The following SUGCT variants were observed in gnomAD, a reference collection of about 807,000 sequenced individuals.
The protein encoded by SUGCT is succinyl-CoA:glutarate-CoA transferase.
In SUGCT, 41 loss-of-function variants were observed where a neutral mutation model predicts 55.0. The observed-to-expected ratio is 0.74, with a 90% CI of 0.58 to 0.97. SUGCT has a LOEUF of 0.97. Ranked by LOEUF, SUGCT falls within the 50% of genes least tolerant of loss-of-function variation. The pLI is 0.00. For missense variants in SUGCT, 568 were observed against 547.8 expected (o/e 1.04, Z -0.37); for synonymous variants, 187 against 200.4 (o/e 0.93, Z 0.56).
At chr7:40,188,612 G>A (rs1365904405) in intron 4 of SUGCT, 32 bp downstream of exon 4, 6 of 1,462,000 alleles carry the variant, frequency 4.1e-6, no homozygotes, top group Non-Finnish European at 5.6e-6. Context: ...TGCTTTTTGT[G>A]TGTAATTCTC....
intron 1 of SUGCT, among the ~76,000 whole-genome samples, chr7:40,164,760 A>T (rs1784345644): frequency 6.6e-6 from 1 of 152,210 alleles, no homozygotes; most frequent in Admixed American, 6.5e-5. Context: ...ATCCGTCAAT[A>T]CATACTCATG....
the SUGCT span, among the ~76,000 whole-genome samples, chr7:40,995,419 C>G: frequency 2.2e-5 from 2 of 92,244 alleles, no homozygotes; most frequent in Non-Finnish European, 4.5e-5. Flanking sequence ...ATAGTTTACT[C>G]TCTTTCATCA....
chr7:40,443,645 G>A (rs1439471152), intron 9 of SUGCT, among the ~76,000 whole-genome samples: 2 of 152,178 alleles, frequency 1.3e-5, no homozygotes, highest in East Asian at 3.8e-4. Flanking sequence ...TGGGTAGATT[G>A]CAAAAATTTT....
intron 12 of SUGCT, among the ~76,000 whole-genome samples, chr7:40,630,618 T>TA (rs928554693): frequency 2.0e-5 from 3 of 152,232 alleles, no homozygotes; most frequent in South Asian, 2.1e-4. Context: ...TAATAAATGT[T>TA]AAAAAAACAA....
rs929821941 is a variant in SUGCT at position 40,368,419 on chromosome 7, G to T, written c.816+51564G>T. On this transcript the variant is annotated intron_variant, in intron 9 of 13. Transcript: ENST00000335693. ...TCACTGTGGTGGCCAGACTGGTCTC[G>T]AACTTTTGACCTTGTGATCCCTCCT... Among the ~76,000 whole-genome samples the T allele has an allele frequency of 5.9e-5, 9 of 152,108 alleles. No homozygotes were observed. In the South Asian group the frequency reaches 1.2e-3, roughly 21 times the overall value.
the SUGCT span, among the ~76,000 whole-genome samples, chr7:40,879,651 T>C: frequency 6.6e-6 from 1 of 152,228 alleles, no homozygotes; most frequent in Non-Finnish European, 1.5e-5. Flanking sequence ...TCATTTTGCA[T>C]ATTTTTTTCC....
rs530665692 is a variant in SUGCT at position 40,448,585 on chromosome 7, T to C, written c.817-702T>C. ...AAAAAGGGCCAGGCATGGTGGCTCATGCCTGTAATCCCGGCACTTTGGGAG... is the reference window on the plus strand; with the variant it reads ...AAAAAGGGCCAGGCATGGTGGCTCACGCCTGTAATCCCGGCACTTTGGGAG... On this transcript the variant is annotated intron_variant, in intron 9 of 13. Coordinates refer to ENST00000335693, the MANE Select transcript of SUGCT (RefSeq NM_001193313.2). 3.3e-5 allele frequency among the ~76,000 whole-genome samples: 5 copies of C among 152,214 alleles called. No individual in the cohort carries two copies. In the South Asian group the frequency reaches 1.0e-3, roughly 32 times the overall value.
intron 7 of SUGCT, among the ~76,000 whole-genome samples, chr7:40,244,397 CAG>C (rs1789675639): frequency 6.6e-6 from 1 of 152,084 alleles, no homozygotes; most frequent in South Asian, 2.1e-4. Flanking sequence ...AGGCCAGTCA[CAG>C]AGGCGCTGAG....
At chr7:40,502,275 T>TG (rs1354688342) in intron 12 of SUGCT, among the ~76,000 whole-genome samples, 2 of 152,024 alleles carry the variant, frequency 1.3e-5, no homozygotes, top group African/African-American at 4.8e-5. Context: ...ACTTTGAACT[T>TG]GCAAGCCAAA....
chr7:40,205,933 A>G (rs1584340515), intron 6 of SUGCT, among the ~76,000 whole-genome samples: 1 of 152,288 alleles, frequency 6.6e-6, no homozygotes, highest in East Asian at 1.9e-4. Flanking sequence ...ATAGATCATT[A>G]CCCACTAAGA....
intron 13 of SUGCT, among the ~76,000 whole-genome samples, chr7:40,756,189 G>A (rs1452040095): frequency 6.6e-6 from 1 of 152,130 alleles, no homozygotes; most frequent in Admixed American, 6.6e-5. Context: ...ACCTTCATAA[G>A]CTCCCAGAGG....
At chr7:40,827,067 C>T (rs1377654829) in intron 13 of SUGCT, among the ~76,000 whole-genome samples, 1 of 152,032 alleles carries the variant, frequency 6.6e-6, no homozygotes, top group Non-Finnish European at 1.5e-5. Flanking sequence ...TAGTTAACAT[C>T]CTGACGAATG....
chr7:41,024,354 G>A, the SUGCT span, among the ~76,000 whole-genome samples: 2,288 of 151,608 alleles, frequency 0.015, 39 homozygotes, highest in South Asian at 0.075. Flanking sequence ...ATCTAACTAC[G>A]TTAAAATTAA....
intron 13 of SUGCT, among the ~76,000 whole-genome samples, chr7:40,854,473 T>TC (rs1491176758): frequency 3.4e-4 from 51 of 148,620 alleles, no homozygotes; most frequent in African/African-American, 1.2e-3. Flanking sequence ...TCTTTCTTTC[T>TC]TTCTCTTTCT....
At chr7:40,237,819 GT>G in intron 7 of SUGCT, 93 bp downstream of exon 7, 1 of 1,004,172 alleles carries the variant, frequency 1.0e-6, no homozygotes, top group Non-Finnish European at 1.5e-6. Flanking sequence ...TAAATGAGTT[GT>G]TAGGTTGGGG....
chr7:40,669,409 A>G (rs1039105029), intron 12 of SUGCT, among the ~76,000 whole-genome samples: 5 of 152,168 alleles, frequency 3.3e-5, no homozygotes, highest in Admixed American at 2.0e-4. Context: ...CTCAAATTCA[A>G]TGAAAACAGA....
intron 9 of SUGCT, among the ~76,000 whole-genome samples, chr7:40,393,070 G>C (rs1003027508): frequency 1.3e-5 from 2 of 152,118 alleles, no homozygotes; most frequent in Non-Finnish European, 2.9e-5. Flanking sequence ...TGATCTTGTC[G>C]GCAGAGATTT....
intron 12 of SUGCT, among the ~76,000 whole-genome samples, chr7:40,587,456 T>A (rs1797445951): frequency 6.6e-6 from 1 of 152,238 alleles, no homozygotes; most frequent in African/African-American, 2.4e-5. Context: ...GATAGATATA[T>A]AAATATATAC....
chr7:40,528,405 A>G (rs1302536829), intron 12 of SUGCT, among the ~76,000 whole-genome samples: 1 of 152,176 alleles, frequency 6.6e-6, no homozygotes, highest in Non-Finnish European at 1.5e-5. Context: ...TGAATATGTG[A>G]TATTTTGGTC....
Sources: allele counts gnomAD v4.1 joint callset (sites outside exome capture counted in the v4.1 genomes callset), GRCh38; gene constraint gnomAD v4.1.1; transcripts MANE v1.5; gene names NCBI Gene and HGNC (gene_info 2026-07-23, HGNC 2026-07-21).